FANCC: variants seen among roughly 807,000 people sequenced by gnomAD.
The protein encoded by FANCC is Fanconi anemia group C protein.
In FANCC, 55 loss-of-function variants were observed where a neutral mutation model predicts 71.3. That is an observed-to-expected ratio of 0.77 (90% CI 0.62 to 0.97). The LOEUF is 0.97. Ranked by LOEUF, FANCC falls within the 50% of genes least tolerant of loss-of-function variation. The pLI is 0.00. For missense variants in FANCC, 678 were observed against 670.9 expected (o/e 1.01, Z -0.12); for synonymous variants, 275 against 244.9 (o/e 1.12, Z -1.15).
At chr9:95,111,361 A>G (rs1189861378) in intron 13 of FANCC, 102 bp downstream of exon 13, 1 of 1,597,910 alleles carries the variant, frequency 6.3e-7, no homozygotes, top group Admixed American at 1.7e-5. Context: ...GGCAGAGCTC[A>G]GGTGTCATGG....
intron 4 of FANCC, among the ~76,000 whole-genome samples, chr9:95,203,388 A>AAAAAC (rs1398404851): frequency 6.6e-6 from 1 of 151,556 alleles, no homozygotes; most frequent in Non-Finnish European, 1.5e-5. Context: ...CAAAAAAAAA[A>AAAAAC]AAAAAAAACA....
intron 4 of FANCC, among the ~76,000 whole-genome samples, chr9:95,223,150 T>G (rs1829386625): frequency 6.6e-6 from 1 of 152,250 alleles, no homozygotes; most frequent in Non-Finnish European, 1.5e-5. Flanking sequence ...ATTGTACTAG[T>G]TTGCTAGAGC....
At chr9:95,170,655 T>TGTGC (rs1319490892) in intron 6 of FANCC, among the ~76,000 whole-genome samples, 1 of 150,688 alleles carries the variant, frequency 6.6e-6, no homozygotes, top group South Asian at 2.1e-4. Flanking sequence ...TGTGTGTGTG[T>TGTGC]GTGTGTGTGT....
intron 4 of FANCC, among the ~76,000 whole-genome samples, chr9:95,196,533 T>C (rs892834040): frequency 1.3e-5 from 2 of 152,200 alleles, no homozygotes; most frequent in Admixed American, 1.3e-4. Context: ...GTTATTTTTA[T>C]CTACACCAGA....
chr9:95,195,837 T>C (rs1470968634), intron 4 of FANCC, among the ~76,000 whole-genome samples: 3 of 152,252 alleles, frequency 2.0e-5, no homozygotes, highest in East Asian at 1.9e-4. Context: ...GTTATGTATA[T>C]ACCTAAGTAT....
At chr9:95,108,819 C>A (rs1432177224) in intron 13 of FANCC, among the ~76,000 whole-genome samples, 1 of 152,130 alleles carries the variant, frequency 6.6e-6, no homozygotes, top group African/African-American at 2.4e-5. Flanking sequence ...CCACTCACTA[C>A]ACATAATGCC....
chr9:95,160,061 G>GCTGC (rs906425473), intron 6 of FANCC, among the ~76,000 whole-genome samples: 16 of 152,254 alleles, frequency 1.1e-4, no homozygotes, highest in Admixed American at 8.5e-4. Context: ...TTTGGCTTTT[G>GCTGC]CTGCCATTGC....
intron 1 of FANCC, among the ~76,000 whole-genome samples, chr9:95,265,842 A>G (rs1234510266): frequency 7.2e-5 from 11 of 152,184 alleles, no homozygotes; most frequent in Admixed American, 6.5e-4. Context: ...AAAAGATGAC[A>G]GTGTTCCCCA....
chr9:95,155,504 T>A (rs1269162015), intron 6 of FANCC, among the ~76,000 whole-genome samples: 1 of 152,166 alleles, frequency 6.6e-6, no homozygotes, highest in African/African-American at 2.4e-5. Context: ...TATTTCCCTC[T>A]GGAGTATTTT....
intron 1 of FANCC, among the ~76,000 whole-genome samples, chr9:95,300,553 C>G (rs1054801437): frequency 1.3e-5 from 2 of 151,826 alleles, no homozygotes; most frequent in African/African-American, 4.8e-5. Flanking sequence ...TGGGTTCAAG[C>G]AATTCTCTTG....
intron 1 of FANCC, among the ~76,000 whole-genome samples, chr9:95,298,730 C>G (rs1834546989): frequency 6.6e-6 from 1 of 152,192 alleles, no homozygotes; most frequent in African/African-American, 2.4e-5. Context: ...GCCATCTTCA[C>G]AAAGACTACA....
chr9:95,231,012 C>T (rs1445151892), intron 4 of FANCC, among the ~76,000 whole-genome samples: 1 of 152,196 alleles, frequency 6.6e-6, no homozygotes, highest in Non-Finnish European at 1.5e-5. Flanking sequence ...TCTAGCTAGA[C>T]AGAAAAGTTC....
At chr9:95,210,126 T>A (rs948642682) in intron 4 of FANCC, among the ~76,000 whole-genome samples, 22 of 152,130 alleles carry the variant, frequency 1.4e-4, no homozygotes, top group African/African-American at 5.1e-4. Context: ...TATAAAATTT[T>A]AGAAACAGGA....
At chr9:95,274,829 C>T (rs879891220) in intron 1 of FANCC, among the ~76,000 whole-genome samples, 1 of 151,936 alleles carries the variant, frequency 6.6e-6, no homozygotes, top group Non-Finnish European at 1.5e-5. Context: ...CACTGACTTG[C>T]CATTATTTGG....
At chr9:95,240,311 C>A (rs188714752) in intron 4 of FANCC, among the ~76,000 whole-genome samples, 1 of 152,290 alleles carries the variant, frequency 6.6e-6, no homozygotes, top group Admixed American at 6.5e-5. Flanking sequence ...GGAATTTAAA[C>A]CAGGTTGATA....
chr9:95,138,321 C>T (rs1402837391), intron 7 of FANCC, among the ~76,000 whole-genome samples: 1 of 152,176 alleles, frequency 6.6e-6, no homozygotes, highest in Non-Finnish European at 1.5e-5. Context: ...GGCCAGACGC[C>T]GTGCCTGTGC....
intron 3 of FANCC, among the ~76,000 whole-genome samples, chr9:95,242,359 T>C (rs1378357565): frequency 1.3e-5 from 2 of 151,996 alleles, no homozygotes; most frequent in Non-Finnish European, 2.9e-5. Flanking sequence ...GAAGAAATTC[T>C]ACCTAGCTTC....
intron 1 of FANCC, among the ~76,000 whole-genome samples, chr9:95,260,210 C>A (rs948543299): frequency 1.8e-4 from 28 of 152,164 alleles, no homozygotes; most frequent in African/African-American, 6.5e-4. Context: ...GATTATAAAT[C>A]ATCCTGCTAT....
chr9:95,113,531 C>T (rs2072131596), intron 12 of FANCC, among the ~76,000 whole-genome samples: 1 of 151,928 alleles, frequency 6.6e-6, no homozygotes, highest in Admixed American at 6.5e-5. Context: ...CAGCGGTCCA[C>T]ACCTGTAATC....
Sources: gnomAD v4.1 joint callset for allele counts (sites outside exome capture counted in the v4.1 genomes callset) on GRCh38, gnomAD v4.1.1 for gene constraint, MANE v1.5 for transcripts, NCBI Gene and HGNC (gene_info 2026-07-23, HGNC 2026-07-21) for gene names.